Variants in RNGTT observed in about 807,000 individuals in gnomAD.
RNGTT encodes mRNA-capping enzyme.
RNGTT carries 33 observed loss-of-function variants against 79.3 expected under a neutral mutation model. That is an observed-to-expected ratio of 0.42 (90% CI 0.32 to 0.56). RNGTT has a LOEUF of 0.56. Ranked by LOEUF, RNGTT falls within the 20% of genes least tolerant of loss-of-function variation. The probability of loss-of-function intolerance (pLI) is 0.17; values close to 1 mark genes in which losing one functional copy is unlikely to be tolerated. For synonymous variants in RNGTT, 222 were observed against 235.9 expected, an observed-to-expected ratio of 0.94 and a Z score of 0.54; for missense variants, 497 against 739.1, an observed-to-expected ratio of 0.67 and a Z score of 3.80.
intron 1 of RNGTT, among the ~76,000 whole-genome samples, chr6:88,955,156 G>T (rs1228946517): frequency 6.6e-6 from 1 of 152,158 alleles, no homozygotes; most frequent in East Asian, 1.9e-4. Flanking sequence ...AATAAAGATG[G>T]AAATTTAAAA....
chr6:88,699,043 CACTT>C (rs1486610918), intron 13 of RNGTT, among the ~76,000 whole-genome samples: 2 of 152,164 alleles, frequency 1.3e-5, no homozygotes, highest in African/African-American at 2.4e-5. Flanking sequence ...CTTAAAGTCT[CACTT>C]ACCCTCGTGG....
chr6:88,914,581 C>T (rs1783938525), intron 4 of RNGTT, among the ~76,000 whole-genome samples: 1 of 152,050 alleles, frequency 6.6e-6, no homozygotes, highest in Non-Finnish European at 1.5e-5. Context: ...AACTGGCTAA[C>T]CATATGCAGA....
At chr6:88,815,192 T>C (rs1315670931) in intron 11 of RNGTT, among the ~76,000 whole-genome samples, 4 of 152,162 alleles carry the variant, frequency 2.6e-5, no homozygotes, top group African/African-American at 9.7e-5. Context: ...GTGAACAAAA[T>C]CCAGTATAAA....
At position 88,962,145 on chromosome 6, in the gene RNGTT, G is replaced by T. The variant is rs1005899654; in HGVS notation, c.64+1201C>A. 3.3e-5 allele frequency among the ~76,000 whole-genome samples: 5 copies of T among 152,116 alleles called. No homozygotes were observed. The East Asian group carries it at 9.6e-4, about 29-fold the overall frequency. On this transcript the variant is annotated intron_variant, in intron 1 of 15. Coordinates refer to ENST00000369485, the MANE Select transcript of RNGTT (RefSeq NM_003800.5). Reference sequence around the variant, plus strand: ...AACCAATCTATAATTACAGAAAGCAGATCAGTGGCTGCCAGGCGAAGGAGG... The same window carrying T: ...AACCAATCTATAATTACAGAAAGCATATCAGTGGCTGCCAGGCGAAGGAGG...
intron 5 of RNGTT, 76 bp from the exon 6 acceptor site, chr6:88,905,031 A>T (rs1783606936): frequency 9.8e-6 from 15 of 1,532,832 alleles, no homozygotes; most frequent in Non-Finnish European, 1.1e-5. Context: ...CACTTATTAT[A>T]TTCAAGGCTC....
At chr6:88,953,284 A>C (rs754723848) in intron 1 of RNGTT, among the ~76,000 whole-genome samples, 3 of 152,216 alleles carry the variant, frequency 2.0e-5, no homozygotes, top group Non-Finnish European at 4.4e-5. Flanking sequence ...AAAAACAATC[A>C]CAAATTCTGG....
chr6:88,812,226 A>G (rs1455936754), intron 11 of RNGTT, among the ~76,000 whole-genome samples: 1 of 152,244 alleles, frequency 6.6e-6, no homozygotes, highest in Non-Finnish European at 1.5e-5. Context: ...TGGCTCTTTC[A>G]TTAACCAATA....
intron 14 of RNGTT, among the ~76,000 whole-genome samples, chr6:88,625,369 C>T (rs1772588873): frequency 2.0e-5 from 3 of 151,836 alleles, no homozygotes; most frequent in South Asian, 4.1e-4. Context: ...TGCAGTATAG[C>T]CATAAAATGA....
chr6:88,689,296 A>G (rs1478882161), intron 13 of RNGTT, among the ~76,000 whole-genome samples: 4 of 151,342 alleles, frequency 2.6e-5, no homozygotes, highest in Non-Finnish European at 5.9e-5. Context: ...AAACAAGTAC[A>G]TTTTTTAAAA....
chr6:88,946,682 C>T (rs1385243777), intron 1 of RNGTT, among the ~76,000 whole-genome samples: 1 of 151,954 alleles, frequency 6.6e-6, no homozygotes, highest in Non-Finnish European at 1.5e-5. Context: ...CTCCCTCTCC[C>T]CACGGTCTCC....
At chr6:88,796,759 A>AG (rs1289313736) in intron 12 of RNGTT, among the ~76,000 whole-genome samples, 1 of 152,192 alleles carries the variant, frequency 6.6e-6, no homozygotes, top group African/African-American at 2.4e-5. Flanking sequence ...AGGCTGAGAA[A>AG]GCCAGTGTCT....
At chr6:88,943,047 C>G (rs1450995246) in intron 1 of RNGTT, among the ~76,000 whole-genome samples, 2 of 152,142 alleles carry the variant, frequency 1.3e-5, no homozygotes, top group Non-Finnish European at 2.9e-5. Flanking sequence ...ATCCTTGGAC[C>G]TCTTTTATAT....
Position 88,769,855 on chromosome 6 carries a change from C to T in RNGTT, c.1358G>A (p.Cys453Tyr). The T allele has an allele frequency of 6.2e-7, 1 of 1,610,690 alleles. No homozygotes were observed. Among genetic ancestry groups the T allele is most frequent in the Non-Finnish European group, 8.5e-7 (1 of 1,177,796 alleles). The change falls in exon 13 of 16, where the codon TGT becomes TAT. Residue 453 changes from cysteine (C) to tyrosine (Y), a missense_variant. Physicochemically the swap from Cys to Tyr is radical, Grantham distance 194. This residue lies in a region of RNGTT where 440 missense variants were observed against 671.5 expected (regional missense o/e 0.66). Coordinates refer to ENST00000369485, the MANE Select transcript of RNGTT (RefSeq NM_003800.5). ...AGGCTTCCATTTCAAAATATCATCA[C>T]ATCGACCAGGTTTGTATTTCTAAAG... is the stretch of plus-strand genomic sequence containing the variant. The part of the protein sequence containing the change: ...QPTGKYKPGR[C>Y]DDILKWKPPS...
At position 88,815,466 on chromosome 6, in the gene RNGTT, C is replaced by T. The variant is rs975649297; in HGVS notation, c.1270-13834G>A. Among the ~76,000 whole-genome samples, 3 of 152,168 alleles carry T rather than the reference C, an allele frequency of 2.0e-5. No homozygotes were observed. The South Asian group carries it at 6.2e-4, about 32-fold the overall frequency. On this transcript the variant is annotated intron_variant, in intron 11 of 15. Coordinates refer to ENST00000369485, the MANE Select transcript of RNGTT (RefSeq NM_003800.5). ...AATCTGAGGGAGTCAGTGGGGACCT[C>T]AGTATCTAAAGCCAGCAAGTCTGAA...
chr6:88,816,189 A>G (rs549982193), intron 11 of RNGTT, among the ~76,000 whole-genome samples: 1 of 152,310 alleles, frequency 6.6e-6, no homozygotes, highest in South Asian at 2.1e-4. Flanking sequence ...TTGACATAAC[A>G]CCTTTAAAGA....
At chr6:88,838,619 T>C (rs1781161006) in intron 11 of RNGTT, among the ~76,000 whole-genome samples, 2 of 152,054 alleles carry the variant, frequency 1.3e-5, no homozygotes, top group Non-Finnish European at 1.5e-5. Context: ...AAGACCTACA[T>C]AAAAGAAAAT....
chr6:88,658,910 G>T (rs1020149146), intron 14 of RNGTT, among the ~76,000 whole-genome samples: 7 of 152,232 alleles, frequency 4.6e-5, no homozygotes, highest in South Asian at 2.1e-4. Context: ...CAGACTGAAG[G>T]CTGCACTGTC....
At chr6:88,711,906 G>A (rs902360131) in intron 13 of RNGTT, among the ~76,000 whole-genome samples, 2 of 152,144 alleles carry the variant, frequency 1.3e-5, no homozygotes, top group Non-Finnish European at 2.9e-5. Flanking sequence ...AAGTAATTGA[G>A]AAATGATAAT....
chr6:88,725,691 A>C (rs774086005), intron 13 of RNGTT, among the ~76,000 whole-genome samples: 4 of 152,178 alleles, frequency 2.6e-5, no homozygotes, highest in Non-Finnish European at 5.9e-5. Flanking sequence ...AGAGGTGAGA[A>C]ATCCCCATGA....
Sources: allele counts gnomAD v4.1 joint callset (sites outside exome capture counted in the v4.1 genomes callset), GRCh38; gene constraint gnomAD v4.1.1; regional missense constraint gnomAD v4.1.1; transcripts MANE v1.5; gene names NCBI Gene and HGNC (gene_info 2026-07-23, HGNC 2026-07-21).